DSCAM: variants seen among roughly 807,000 people sequenced by gnomAD.
DSCAM encodes DS cell adhesion molecule.
DSCAM carries 47 observed loss-of-function variants against 217.7 expected under a neutral mutation model. That is an observed-to-expected ratio of 0.22 (90% CI 0.17 to 0.28). DSCAM has a LOEUF of 0.28. DSCAM is among the 10% of genes least tolerant of loss of function. The probability of loss-of-function intolerance (pLI) is 1.00; values close to 1 mark genes in which losing one functional copy is unlikely to be tolerated. For synonymous variants in DSCAM, 1,056 were observed against 1,015.3 expected (o/e 1.04, Z -0.76); for missense variants, 2,080 against 2,618.3 (o/e 0.79, Z 4.49).
At chr21:40,525,659 T>C (rs2076394903) in intron 3 of DSCAM, among the ~76,000 whole-genome samples, 1 of 152,232 alleles carries the variant, frequency 6.6e-6, no homozygotes, top group East Asian at 1.9e-4. Flanking sequence ...TCTCAATGTC[T>C]TGGATCCAAG....
chr21:40,608,529 G>A (rs2089272770), intron 3 of DSCAM, among the ~76,000 whole-genome samples: 1 of 152,198 alleles, frequency 6.6e-6, no homozygotes. Flanking sequence ...GAAAAGGTTA[G>A]CTGAAGTGAA....
intron 3 of DSCAM, among the ~76,000 whole-genome samples, chr21:40,606,816 G>C (rs773889613): frequency 1.1e-4 from 17 of 152,346 alleles, no homozygotes; most frequent in Non-Finnish European, 2.4e-4. Flanking sequence ...TTTTGGGAGA[G>C]ACCTGCTGGG....
At chr21:40,650,786 C>G (rs552240719) in intron 3 of DSCAM, among the ~76,000 whole-genome samples, 1 of 152,100 alleles carries the variant, frequency 6.6e-6, no homozygotes, top group Non-Finnish European at 1.5e-5. Flanking sequence ...TGGTGGTGTG[C>G]GCCTTTAGTC....
intron 3 of DSCAM, among the ~76,000 whole-genome samples, chr21:40,512,010 A>AAAAAAAAAAAAAAAAAAT (rs61560593): frequency 9.4e-6 from 1 of 106,368 alleles, no homozygotes; most frequent in Non-Finnish European, 1.8e-5. Context: ...AAAAAAAAAA[A>AAAAAAAAAAAAAAAAAAT]GTATTCTATT....
intron 11 of DSCAM, among the ~76,000 whole-genome samples, chr21:40,240,354 T>TTTTTTTG (rs1390491500): frequency 2.3e-5 from 3 of 132,840 alleles, no homozygotes; most frequent in Non-Finnish European, 4.8e-5. Context: ...CACTGGTTTT[T>TTTTTTTG]TTTTTTTTTT....
intron 11 of DSCAM, among the ~76,000 whole-genome samples, chr21:40,256,872 T>C (rs1018136738): frequency 6.6e-6 from 1 of 152,136 alleles, no homozygotes; most frequent in Non-Finnish European, 1.5e-5. Context: ...TACACCATAC[T>C]TACTCTTCAA....
chr21:40,739,670 TG>T (rs1365674868), intron 1 of DSCAM, among the ~76,000 whole-genome samples: 2 of 152,184 alleles, frequency 1.3e-5, no homozygotes, highest in Non-Finnish European at 2.9e-5. Context: ...CCCGAGGTAC[TG>T]GGGGTTAGGA....
intron 18 of DSCAM, among the ~76,000 whole-genome samples, chr21:40,136,738 G>A (rs753131167): frequency 1.2e-4 from 18 of 152,070 alleles, no homozygotes; most frequent in Non-Finnish European, 2.5e-4. Context: ...GAAAAAGTAG[G>A]ATCATTTCAC....
intron 18 of DSCAM, among the ~76,000 whole-genome samples, chr21:40,136,907 G>C (rs2090215534): frequency 6.6e-6 from 1 of 152,134 alleles, no homozygotes; most frequent in Non-Finnish European, 1.5e-5. Context: ...CGGTGCAGTG[G>C]CTCATGCCTG....
In DSCAM at chr21:40,011,268, A is replaced by G. The variant is rs1193990629; in HGVS notation, c.*1766T>C. On this transcript the variant is annotated 3_prime_UTR_variant, in exon 33 of 33. Transcript: ENST00000400454. ...ACTAGCATCAGCAGGTGGTCTTGAC[A>G]TGGTCCTGGACCCATTCTGTGTCAC... is the stretch of plus-strand genomic sequence containing the variant. 6.6e-6 allele frequency: 1 copy of G among 152,192 alleles called. No individual in the cohort carries two copies. The allele number at this position is 152,192 out of a possible 1,614,324, so 9.4% of individuals were successfully genotyped here.
rs186822079 is a variant in DSCAM, at chr21:40,501,411, G to A, written c.509-132166C>T. ...TATTATTCCTGTGAGCTTTATATTT[G>A]TGCTCCCCTTTTCAATCTGTGTCTT... is the stretch of plus-strand genomic sequence containing the variant. On this transcript the variant is annotated intron_variant, in intron 3 of 32. Transcript: ENST00000400454. Among the ~76,000 whole-genome samples the A allele has an allele frequency of 1.0e-3, 156 of 152,114 alleles. 1 individual carries two copies. Among genetic ancestry groups the A allele is most frequent in the Admixed American group, 1.6e-3 (25 of 15,282 alleles).
At chr21:40,030,999 TCTGG>T in intron 32 of DSCAM, among the ~76,000 whole-genome samples, 1 of 152,292 alleles carries the variant, frequency 6.6e-6, no homozygotes, top group African/African-American at 2.4e-5. Context: ...TGTCCGGTGG[TCTGG>T]CTGGTTCACT....
intron 1 of DSCAM, among the ~76,000 whole-genome samples, chr21:40,767,089 C>T (rs1267447077): frequency 6.6e-6 from 1 of 151,886 alleles, no homozygotes. Flanking sequence ...GAACAGGGAA[C>T]AAAAAAACTA....
intron 8 of DSCAM, among the ~76,000 whole-genome samples, chr21:40,322,832 G>A (rs372022061): frequency 5.9e-5 from 9 of 151,836 alleles, no homozygotes; most frequent in Non-Finnish European, 1.0e-4. Context: ...GCCAGTGGGC[G>A]CAAATGAATG....
At position 40,137,652 on chromosome 21, in the gene DSCAM, G is replaced by A. The variant is rs576483287; in HGVS notation, c.3407-3643C>T. 5.6e-4 allele frequency among the ~76,000 whole-genome samples: 83 copies of A among 148,514 alleles called. No homozygotes were observed. The East Asian group carries it at 9.4e-3, about 17-fold the overall frequency. ...ACACACACACACACACACATTAACT[G>A]AAGTGTATTGTTCAGTTGAGGTCAT... On this transcript the variant is annotated intron_variant, in intron 18 of 32. Transcript: ENST00000400454.
At chr21:40,556,271 T>C (rs2076670994) in intron 3 of DSCAM, among the ~76,000 whole-genome samples, 1 of 152,178 alleles carries the variant, frequency 6.6e-6, no homozygotes, top group Admixed American at 6.5e-5. Flanking sequence ...TTTGACTCCC[T>C]CAAAACTTAA....
At chr21:40,255,589 G>A (rs137888863) in intron 11 of DSCAM, among the ~76,000 whole-genome samples, 139 of 152,326 alleles carry the variant, frequency 9.1e-4, no homozygotes, top group Middle Eastern at 3.4e-3. Flanking sequence ...CAGAGACATC[G>A]CATGGGACTT....
At chr21:40,286,547 A>G (rs573278418) in intron 10 of DSCAM, among the ~76,000 whole-genome samples, 1 of 152,358 alleles carries the variant, frequency 6.6e-6, no homozygotes, top group East Asian at 1.9e-4. Context: ...CTATTTTAAT[A>G]TAAACCCCCT....
Position 40,291,606 on chromosome 21 carries a change from A to G in DSCAM, c.2182+4449T>C, listed in dbSNP as rs66817674. On this transcript the variant is annotated intron_variant, in intron 10 of 32. Transcript: ENST00000400454. ...CTCCCGGCCTCGCCCCCTACCCCCA[A>G]CTCTTGGGAACTAGCTGGCCCCTCA... Among the ~76,000 whole-genome samples the G allele has an allele frequency of 1.1e-4, 17 of 151,630 alleles. No homozygotes were observed. The East Asian group carries it at 3.1e-3, about 28-fold the overall frequency.
Sources: gnomAD v4.1 joint callset for allele counts (sites outside exome capture counted in the v4.1 genomes callset) on GRCh38, gnomAD v4.1.1 for gene constraint, MANE v1.5 for transcripts, NCBI Gene and HGNC (gene_info 2026-07-23, HGNC 2026-07-21) for gene names.